The following PTPRK variants were observed in gnomAD, a reference collection of about 807,000 sequenced individuals.
PTPRK encodes protein tyrosine phosphatase receptor type K, also known as receptor-type tyrosine-protein phosphatase kappa.
A neutral mutation model predicts 178.0 loss-of-function variants in PTPRK; 75 were observed. The observed-to-expected ratio is 0.42, with a 90% confidence interval of 0.35 to 0.51. PTPRK has a LOEUF of 0.51. Among genes scored for constraint, PTPRK ranks in the 20% least tolerant of loss-of-function variants. The pLI is 0.02. For missense variants in PTPRK, 1,441 were observed against 1,797.8 expected (o/e 0.80, Z 3.59); for synonymous variants, 637 against 620.6 (o/e 1.03, Z -0.39).
chr6:128,130,894 A>G (rs1794129591), intron 7 of PTPRK, among the ~76,000 whole-genome samples: 1 of 152,170 alleles, frequency 6.6e-6, no homozygotes, highest in Non-Finnish European at 1.5e-5. Flanking sequence ...GAATGTTGCA[A>G]AGTTCTGGGC....
At chr6:128,492,323 T>A (rs1853925655) in intron 1 of PTPRK, among the ~76,000 whole-genome samples, 1 of 152,200 alleles carries the variant, frequency 6.6e-6, no homozygotes, top group Admixed American at 6.5e-5. Context: ...AGTTTGCCTC[T>A]TCAGCATGTT....
chr6:128,094,620 A>G (rs555704099), intron 7 of PTPRK, among the ~76,000 whole-genome samples: 6 of 152,330 alleles, frequency 3.9e-5, no homozygotes, highest in African/African-American at 1.2e-4. Context: ...GCCAAAAAGT[A>G]TACTAGAAAC....
intron 8 of PTPRK, among the ~76,000 whole-genome samples, chr6:128,088,189 C>G (rs1384948438): frequency 6.6e-6 from 1 of 152,018 alleles, no homozygotes; most frequent in African/African-American, 2.4e-5. Flanking sequence ...AGCAGCCTGG[C>G]TAAGATGGGG....
At chr6:128,356,225 C>T (rs1833942407) in intron 2 of PTPRK, among the ~76,000 whole-genome samples, 1 of 152,118 alleles carries the variant, frequency 6.6e-6, no homozygotes, top group South Asian at 2.1e-4. Flanking sequence ...ACTAATCTGG[C>T]CCCTGCATAG....
At chr6:128,467,114 C>A (rs559530831) in intron 1 of PTPRK, among the ~76,000 whole-genome samples, 4 of 152,258 alleles carry the variant, frequency 2.6e-5, no homozygotes, top group South Asian at 2.1e-4. Context: ...ATCCGCCCAC[C>A]TCAGTCTCCC....
chr6:128,218,087 A>C (rs1362832344), intron 6 of PTPRK, among the ~76,000 whole-genome samples: 1 of 152,140 alleles, frequency 6.6e-6, no homozygotes, highest in Admixed American at 6.5e-5. Flanking sequence ...CACCTTAACT[A>C]AAATATCAAT....
chr6:128,209,475 G>A (rs1328942268), intron 6 of PTPRK, among the ~76,000 whole-genome samples: 1 of 152,018 alleles, frequency 6.6e-6, no homozygotes, highest in Non-Finnish European at 1.5e-5. Flanking sequence ...CACCCATCAA[G>A]AGTCCGATGG....
At chr6:128,378,485 A>C (rs1452342932) in intron 2 of PTPRK, among the ~76,000 whole-genome samples, 1 of 152,008 alleles carries the variant, frequency 6.6e-6, no homozygotes, top group Non-Finnish European at 1.5e-5. Context: ...TATGAGACTT[A>C]TGTATAATTT....
At chr6:128,166,790 A>G (rs1464126902) in intron 7 of PTPRK, among the ~76,000 whole-genome samples, 1 of 151,766 alleles carries the variant, frequency 6.6e-6, no homozygotes, top group Non-Finnish European at 1.5e-5. Flanking sequence ...CTTCTGTTAA[A>G]TCTTTTTGTG....
intron 6 of PTPRK, among the ~76,000 whole-genome samples, chr6:128,185,643 A>G (rs1229459523): frequency 1.3e-5 from 2 of 152,194 alleles, no homozygotes; most frequent in Admixed American, 1.3e-4. Flanking sequence ...AAGTGTTAAT[A>G]AAGTAGTAAT....
At chr6:128,464,347 A>G (rs2128414061) in intron 1 of PTPRK, among the ~76,000 whole-genome samples, 1 of 152,056 alleles carries the variant, frequency 6.6e-6, no homozygotes, top group Non-Finnish European at 1.5e-5. Flanking sequence ...ACAGAAGGCA[A>G]AGTAAATTAC....
At chr6:128,081,396 A>G (rs1009124496) in intron 10 of PTPRK, among the ~76,000 whole-genome samples, 1 of 152,064 alleles carries the variant, frequency 6.6e-6, no homozygotes, top group African/African-American at 2.4e-5. Context: ...AATTTTATTC[A>G]TGATACAAAT....
At chr6:128,114,949 C>A (rs1187651970) in intron 7 of PTPRK, among the ~76,000 whole-genome samples, 1 of 151,828 alleles carries the variant, frequency 6.6e-6, no homozygotes, top group Non-Finnish European at 1.5e-5. Flanking sequence ...TTCAGCCATT[C>A]TTTTGTTTAT....
intron 2 of PTPRK, among the ~76,000 whole-genome samples, chr6:128,393,507 A>G (rs1368199591): frequency 6.6e-6 from 1 of 152,210 alleles, no homozygotes; most frequent in Admixed American, 6.5e-5. Flanking sequence ...ATGAGGATAG[A>G]AGAAACAGAG....
At chr6:128,507,849 G>A (rs1856594028) in intron 1 of PTPRK, among the ~76,000 whole-genome samples, 1 of 152,122 alleles carries the variant, frequency 6.6e-6, no homozygotes, top group Non-Finnish European at 1.5e-5. Flanking sequence ...CAAACCTCCA[G>A]AAAACAAATG....
chr6:128,417,896 G>C (rs1393563470), intron 1 of PTPRK, among the ~76,000 whole-genome samples: 1 of 152,160 alleles, frequency 6.6e-6, no homozygotes, highest in Non-Finnish European at 1.5e-5. Flanking sequence ...ACCACTTTGT[G>C]TGTGTTCCTC....
At chr6:128,046,209 T>C (rs1254575200) in intron 13 of PTPRK, among the ~76,000 whole-genome samples, 1 of 152,290 alleles carries the variant, frequency 6.6e-6, no homozygotes, top group Non-Finnish European at 1.5e-5. Context: ...TATACTTTTC[T>C]GTAATTTCCT....
intron 10 of PTPRK, among the ~76,000 whole-genome samples, chr6:128,082,227 C>G (rs1389673006): frequency 1.3e-5 from 2 of 152,060 alleles, no homozygotes; most frequent in Non-Finnish European, 2.9e-5. Context: ...AGACCACTGT[C>G]AATCAAAAGT....
At chr6:127,981,388 GGATT>G in intron 24 of PTPRK, 99 bp from the exon 25 acceptor site, 4 of 943,134 alleles carry the variant, frequency 4.2e-6, no homozygotes, top group Non-Finnish European at 6.2e-6. Flanking sequence ...AGAAAGTGAA[GGATT>G]TGTGCGAGGC....
Sources: allele counts gnomAD v4.1 joint callset (sites outside exome capture counted in the v4.1 genomes callset), GRCh38; gene constraint gnomAD v4.1.1; transcripts MANE v1.5; gene names NCBI Gene and HGNC (gene_info 2026-07-23, HGNC 2026-07-21).